The following RNF13 variants were observed in gnomAD, a reference collection of about 807,000 sequenced individuals.
The protein encoded by RNF13 is ring finger protein 13.
In RNF13, 19 loss-of-function variants were observed where a neutral mutation model predicts 37.7. That is an observed-to-expected ratio of 0.50 (90% CI 0.35 to 0.74). RNF13 has a LOEUF of 0.74. Among genes scored for constraint, RNF13 ranks in the 30% least tolerant of loss-of-function variants. The pLI is 0.01. For missense variants in RNF13, 375 were observed against 453.0 expected (o/e 0.83, Z 1.56); for synonymous variants, 144 against 157.8 (o/e 0.91, Z 0.65).
intron 8 of RNF13, among the ~76,000 whole-genome samples, chr3:149,945,425 C>T (rs151222942): frequency 0.031 from 4,673 of 152,246 alleles, 88 homozygotes; most frequent in Non-Finnish European, 0.035. Context: ...TTAGGAAGCT[C>T]GAACTGGGTG....
chr3:149,923,648 A>G (rs944268012), intron 8 of RNF13, among the ~76,000 whole-genome samples: 1 of 150,932 alleles, frequency 6.6e-6, no homozygotes, highest in South Asian at 2.1e-4. Flanking sequence ...TGCCTGTAGT[A>G]CCAGCTACTC....
chr3:149,842,357 G>A (rs932444557), intron 1 of RNF13, among the ~76,000 whole-genome samples: 1 of 152,064 alleles, frequency 6.6e-6, no homozygotes, highest in Non-Finnish European at 1.5e-5. Flanking sequence ...TCATCTGTTG[G>A]CATCCCTATC....
At chr3:149,948,892 G>A (rs1429641768) in intron 8 of RNF13, among the ~76,000 whole-genome samples, 2 of 152,128 alleles carry the variant, frequency 1.3e-5, no homozygotes, top group African/African-American at 4.8e-5. Context: ...GCCAGGCATG[G>A]TGGCAAGTGC....
At chr3:149,926,496 C>T (rs9813204) in intron 8 of RNF13, among the ~76,000 whole-genome samples, 148,453 of 152,262 alleles carry the variant, frequency 0.97, 72,401 homozygotes, top group African/African-American at 0.99. Context: ...AGGCGTGAGC[C>T]ACCATGCCCA....
At chr3:149,917,342 C>G (rs1392618031) in intron 7 of RNF13, 1 of 152,170 alleles carries the variant, frequency 6.6e-6, no homozygotes, top group Non-Finnish European at 1.5e-5. Context: ...CTAAGGCAAC[C>G]TAATTCTATT....
chr3:149,867,003 T>C (rs960305444), intron 3 of RNF13, among the ~76,000 whole-genome samples: 9 of 152,218 alleles, frequency 5.9e-5, no homozygotes, highest in African/African-American at 2.2e-4. Flanking sequence ...TCTATAACTG[T>C]TGGGTGAGAT....
chr3:149,911,827 GAA>G (rs1042729835), intron 6 of RNF13, 149 bp from the exon 7 acceptor site: 4 of 590,058 alleles, frequency 6.8e-6, no homozygotes, highest in Non-Finnish European at 1.2e-5. Context: ...TTAAATTATT[GAA>G]AGTCATATTT....
chr3:149,825,182 C>CTT (rs141132064), intron 1 of RNF13, among the ~76,000 whole-genome samples: 2 of 140,298 alleles, frequency 1.4e-5, no homozygotes, highest in South Asian at 2.3e-4. Flanking sequence ...TCCAGCAACC[C>CTT]TTTTTTTTTT....
chr3:149,881,103 A>T (rs1311302766), intron 4 of RNF13, among the ~76,000 whole-genome samples: 1 of 152,214 alleles, frequency 6.6e-6, no homozygotes, highest in Non-Finnish European at 1.5e-5. Context: ...CTGGTAATGG[A>T]TCATGACCTA....
intron 5 of RNF13, among the ~76,000 whole-genome samples, chr3:149,901,143 A>G (rs1715789330): frequency 6.6e-6 from 1 of 152,190 alleles, no homozygotes. Flanking sequence ...CTTTAAATAA[A>G]ACATTTGTCC....
chr3:149,901,923 G>A, intron 5 of RNF13, 149 bp from the exon 6 acceptor site: 1 of 430,484 alleles, frequency 2.3e-6, no homozygotes, highest in Non-Finnish European at 4.2e-6. Context: ...TTTTGATGAT[G>A]AATAAAATCT....
intron 8 of RNF13, among the ~76,000 whole-genome samples, chr3:149,934,883 G>T (rs1283717442): frequency 3.3e-5 from 5 of 152,134 alleles, no homozygotes; most frequent in Non-Finnish European, 7.4e-5. Flanking sequence ...CTCCCAGATT[G>T]CTGGGATTAC....
At chr3:149,924,588 ATAAG>A (rs1559955097) in intron 8 of RNF13, among the ~76,000 whole-genome samples, 1 of 152,234 alleles carries the variant, frequency 6.6e-6, no homozygotes, top group East Asian at 1.9e-4. Flanking sequence ...GCTGCTGAAC[ATAAG>A]TAAGATGAGA....
At chr3:149,911,624 A>G (rs1717003812) in intron 6 of RNF13, among the ~76,000 whole-genome samples, 1 of 151,996 alleles carries the variant, frequency 6.6e-6, no homozygotes, top group African/African-American at 2.4e-5. Flanking sequence ...GCACCACTGT[A>G]CTCCAGCCTG....
intron 7 of RNF13, 136 bp downstream of exon 7, chr3:149,912,219 G>GA: frequency 3.9e-6 from 2 of 511,996 alleles, no homozygotes; most frequent in Admixed American, 3.5e-5. Flanking sequence ...TGAAGTTCTA[G>GA]AAAAAACAAA....
Position 149,960,954 on chromosome 3 carries a change from T to G in RNF13, c.996T>G (p.His332Gln). 1 of 1,614,156 alleles carries G rather than the reference T, an allele frequency of 6.2e-7. No individual in the cohort carries two copies. The highest frequency in any genetic ancestry group is 8.5e-7 in the Non-Finnish European group (1 of 1,180,024). Residue 332 changes from histidine (H) to glutamine (Q), a missense_variant, in exon 10 of 10, where the codon CAT becomes CAG. Coordinates refer to ENST00000392894, the MANE Select transcript of RNF13 (RefSeq NM_183381.3). Reference protein sequence around the residue: ...SFGALSESRSHQNMTESSDYE... With the variant: ...SFGALSESRSQQNMTESSDYE... ...GGGCTTTATCGGAATCCCGCTCACA[T>G]CAGAACATGACAGAATCTTCAGACT...
chr3:149,952,556 A>T (rs1168354019), intron 8 of RNF13, among the ~76,000 whole-genome samples: 1 of 152,158 alleles, frequency 6.6e-6, no homozygotes, highest in Non-Finnish European at 1.5e-5. Context: ...CCTGAAAAAG[A>T]ATAATAAAAG....
intron 7 of RNF13, among the ~76,000 whole-genome samples, chr3:149,915,142 T>C (rs939275601): frequency 1.3e-5 from 2 of 152,186 alleles, no homozygotes; most frequent in South Asian, 2.1e-4. Flanking sequence ...TTTTCTCTCT[T>C]TTATCATGTT....
chr3:149,933,436 A>G (rs1466236187), intron 8 of RNF13, among the ~76,000 whole-genome samples: 5 of 152,148 alleles, frequency 3.3e-5, no homozygotes, highest in Non-Finnish European at 5.9e-5. Context: ...CGCTCTCCAG[A>G]GTAGCTATTG....
Sources: gnomAD v4.1 joint callset for allele counts (sites outside exome capture counted in the v4.1 genomes callset) on GRCh38, gnomAD v4.1.1 for gene constraint, MANE v1.5 for transcripts, NCBI Gene and HGNC (gene_info 2026-07-23, HGNC 2026-07-21) for gene names.